The following ROGDI variants were observed in gnomAD, a reference collection of about 807,000 sequenced individuals.
ROGDI encodes protein rogdi homolog.
Under a neutral mutation model 43.1 loss-of-function variants are expected in ROGDI, and 46 were observed. That is an observed-to-expected ratio of 1.07 (90% CI 0.84 to 1.37). The LOEUF (loss-of-function observed/expected upper bound fraction) is 1.37. Among genes scored for constraint, ROGDI ranks in the 40% most tolerant of loss-of-function variants. ROGDI has a pLI of 0.00. For missense variants in ROGDI, 518 were observed against 383.9 expected, an observed-to-expected ratio of 1.35 and a Z score of -2.92; for synonymous variants, 243 against 162.0, an observed-to-expected ratio of 1.50 and a Z score of -3.80.
chr16:4,801,127 T>C, intron 4 of ROGDI, 140 bp downstream of exon 4: 3 of 648,380 alleles, frequency 4.6e-6, no homozygotes, highest in South Asian at 2.3e-5. Context: ...AGGGTTGCTG[T>C]CATTTTCCAA....
intron 2 of ROGDI, chr16:4,801,791 C>A: frequency 1.7e-6 from 1 of 603,440 alleles, no homozygotes; most frequent in Non-Finnish European, 3.0e-6. Context: ...TACCACATTC[C>A]CTGAACACCT....
intron 4 of ROGDI, chr16:4,801,040 C>T: frequency 1.9e-6 from 1 of 514,702 alleles, no homozygotes; most frequent in South Asian, 3.1e-5. Flanking sequence ...GTCCGGACGC[C>T]AGGCCAGGCC....
intron 2 of ROGDI, 200 bp from the exon 3 acceptor site, chr16:4,801,785 A>C (rs1265743596): frequency 1.2e-5 from 7 of 605,200 alleles, no homozygotes; most frequent in Non-Finnish European, 1.8e-5. Flanking sequence ...TGCTTATACC[A>C]CATTCCCTGA....
At chr16:4,799,625 G>T in intron 6 of ROGDI, 61 bp downstream of exon 6, 1 of 1,299,938 alleles carries the variant, frequency 7.7e-7, no homozygotes, top group Non-Finnish European at 1.1e-6. Context: ...TGGAACCCAG[G>T]TGTGATTCCG....
chr16:4,799,483 G>C (rs941839126), intron 6 of ROGDI, among the ~76,000 whole-genome samples: 1 of 152,086 alleles, frequency 6.6e-6, no homozygotes. Context: ...GCTTACTGGG[G>C]GCCCCGTGAC....
In ROGDI at chr16:4,797,777, CCAGGGGAT is replaced by C. The variant is rs759582317; in HGVS notation, c.751_758del (p.Ile251AlafsTer78). 6.2e-7 allele frequency: 1 copy of C among 1,613,718 alleles called. No homozygotes were observed. The highest frequency in any genetic ancestry group is 1.7e-5 in the Admixed American group (1 of 60,024). ...TGAAGTAGACCAGGGCGTCGTTGAGCCAGGGGATCACGCACTCCACTTTGTGCACGTGG... is the reference window on the plus strand; with the variant it reads ...TGAAGTAGACCAGGGCGTCGTTGAGCCACGCACTCCACTTTGTGCACGTGG... On this transcript the variant is annotated frameshift_variant, in exon 10 of 11. Coordinates refer to ENST00000322048, the MANE Select transcript of ROGDI (RefSeq NM_024589.3). LOFTEE classifies it high-confidence loss of function.
chr16:4,802,122 C>T (rs2082735213), intron 2 of ROGDI: 2 of 654,200 alleles, frequency 3.1e-6, no homozygotes, highest in African/African-American at 1.8e-5. Context: ...GATGCCGCTG[C>T]TCCCAAGGCG....
chr16:4,798,751 AC>A lies in ROGDI; in HGVS notation c.433-85del, dbSNP rs1435666186. The stretch of plus-strand genomic sequence containing the variant: ...AACAGACATGGTAGCTCCCACTCCC[AC>A]CCAGCCCAGTGGCTACTGTTCCCAG... On this transcript the variant is annotated intron_variant, in intron 6 of 10. Coordinates refer to ENST00000322048, the MANE Select transcript of ROGDI (RefSeq NM_024589.3). 5.2e-6 allele frequency: 6 copies of A among 1,162,464 alleles called. No homozygotes were observed. The Admixed American group carries it at 1.1e-4, about 21-fold the overall frequency. 72.0% of individuals were successfully genotyped at this position (1,162,464 alleles called of 1,614,324 possible).
chr16:4,798,714 G>T, intron 6 of ROGDI, 47 bp from the exon 7 acceptor site: 2 of 1,441,024 alleles, frequency 1.4e-6, no homozygotes, highest in Non-Finnish European at 1.9e-6. Context: ...GTGTCCCCAT[G>T]CATTAAGGAA....
chr16:4,798,635 T>G lies in ROGDI; in HGVS notation c.465A>C (p.Arg155Ser), dbSNP rs1367837038. Residue 155 changes from arginine to serine, a missense_variant, in exon 7 of 11, where the codon AGA becomes AGC. By Grantham distance (110) the Arg-to-Ser change is moderately radical (BLOSUM62 -1). Coordinates refer to ENST00000322048, the MANE Select transcript of ROGDI (RefSeq NM_024589.3). ...CGGGGGTGGTGAGCCGGTTTCGGGC[T>G]CTGGTCAGCTGCAGCATCACTGCGT... The part of the protein sequence containing the change: ...LMDAVMLQLT[R>S]ARNRLTTPAT... 1 of 1,573,828 alleles carries G rather than the reference T, an allele frequency of 6.4e-7. No homozygotes were observed. The highest frequency in any genetic ancestry group is 8.6e-7 in the Non-Finnish European group (1 of 1,163,662).
chr16:4,797,899 G>A, intron 9 of ROGDI, 39 bp downstream of exon 9: 1 of 1,602,404 alleles, frequency 6.2e-7, no homozygotes, highest in Non-Finnish European at 8.5e-7. Context: ...TGGAGGGATG[G>A]GGTGGGCGTG....
At chr16:4,801,378 CCCTCCCGG>C in intron 3 of ROGDI, 57 bp from the exon 4 acceptor site, 1 of 1,578,960 alleles carries the variant, frequency 6.3e-7, no homozygotes, top group Non-Finnish European at 8.6e-7. Context: ...ACCCAGCCCT[CCCTCCCGG>C]CGGGCTGCCC....
intron 4 of ROGDI, chr16:4,800,880 T>C: frequency 1.9e-6 from 1 of 512,950 alleles, no homozygotes; most frequent in East Asian, 3.3e-5. Flanking sequence ...ATCTAGTGTC[T>C]ACAAAGGGCA....
intron 6 of ROGDI, 62 bp downstream of exon 6, chr16:4,799,624 G>T: frequency 1.5e-6 from 2 of 1,290,770 alleles, no homozygotes; most frequent in African/African-American, 1.5e-5. Flanking sequence ...TTGGAACCCA[G>T]GTGTGATTCC....
At chr16:4,800,647 T>C (rs2082704067) in intron 4 of ROGDI, 69 bp from the exon 5 acceptor site, 2 of 1,302,542 alleles carry the variant, frequency 1.5e-6, no homozygotes, top group African/African-American at 2.9e-5. Context: ...TCTGAGCCCT[T>C]AAGCCCAGGG....
intron 5 of ROGDI, among the ~76,000 whole-genome samples, 176 bp downstream of exon 5, chr16:4,800,322 C>T (rs532693344): frequency 3.3e-5 from 5 of 152,320 alleles, no homozygotes; most frequent in African/African-American, 1.2e-4. Flanking sequence ...CCCCACATGG[C>T]GCAGCCTCCA....
rs554806109 is a variant in ROGDI, at chr16:4,800,400, C to T, written c.336+98G>A. ...CACCCTCCCAGGCTTGCTGTGGCCA[C>T]AGATCCCCAGGGCTAGTCCCTCTCC... On this transcript the variant is annotated intron_variant, in intron 5 of 10. Transcript: ENST00000322048. 15 of 968,678 alleles carry T rather than the reference C, an allele frequency of 1.5e-5. No individual in the cohort carries two copies. The East Asian group carries it at 3.7e-4, about 24-fold the overall frequency. The allele number at this position is 968,678 out of a possible 1,614,324, so 60.0% of individuals were successfully genotyped here.
intron 2 of ROGDI, chr16:4,801,887 A>T (rs1011804570): frequency 8.0e-5 from 46 of 572,544 alleles, no homozygotes; most frequent in Non-Finnish European, 1.3e-4. Context: ...GGGCAGAGTC[A>T]GGGAACAAGG....
Position 4,798,729 on chromosome 16 carries a change from A to C in ROGDI, c.433-62T>G, listed in dbSNP as rs765821623. On this transcript the variant is annotated intron_variant, in intron 6 of 10. Coordinates refer to ENST00000322048, the MANE Select transcript of ROGDI (RefSeq NM_024589.3). ...GTGTCCCCATGCATTAAGGAACAAC[A>C]GACATGGTAGCTCCCACTCCCACCC... is the stretch of plus-strand genomic sequence containing the variant. 3.0e-6 allele frequency: 4 copies of C among 1,349,330 alleles called. No individual in the cohort carries two copies. In the South Asian group the frequency reaches 5.0e-5, roughly 17 times the overall value. The allele number at this position is 1,349,330 out of a possible 1,614,324, so 83.6% of individuals were successfully genotyped here.
Sources: allele counts gnomAD v4.1 joint callset (sites outside exome capture counted in the v4.1 genomes callset), GRCh38; gene constraint gnomAD v4.1.1; transcripts MANE v1.5; gene names NCBI Gene and HGNC (gene_info 2026-07-23, HGNC 2026-07-21).